The following CTC1 variants were observed in gnomAD, a reference collection of about 807,000 sequenced individuals.
CTC1 encodes the protein CST telomere replication complex component 1.
A neutral mutation model predicts 136.3 loss-of-function variants in CTC1; 91 were observed. That is an observed-to-expected ratio of 0.67 (90% confidence interval 0.56 to 0.79). The LOEUF (loss-of-function observed/expected upper bound fraction) is 0.79, where lower values mean the gene tolerates loss of function less well. Among genes scored for constraint, CTC1 ranks in the 30% least tolerant of loss-of-function variants. The pLI is 0.00. For synonymous variants in CTC1, 606 were observed against 613.8 expected (o/e 0.99, Z 0.19); for missense variants, 1,432 against 1,498.1 (o/e 0.96, Z 0.73).
intron 18 of CTC1, 90 bp downstream of exon 18, chr17:8,229,799 CTG>C (rs1412932426): frequency 2.8e-6 from 3 of 1,076,328 alleles, no homozygotes; most frequent in African/African-American, 3.1e-5. Context: ...TTGGAGAAGA[CTG>C]TAATGATGGC....
chr17:8,242,956 C>T (rs1988394686), intron 2 of CTC1, 29 bp downstream of exon 2: 2 of 1,586,066 alleles, frequency 1.3e-6, no homozygotes, highest in Non-Finnish European at 8.6e-7. Context: ...TGCCCCTGCC[C>T]AGCCCCCGCA....
chr17:8,235,528 G>A (rs1045957877), intron 7 of CTC1, among the ~76,000 whole-genome samples: 1 of 152,082 alleles, frequency 6.6e-6, no homozygotes, highest in African/African-American at 2.4e-5. Flanking sequence ...ACATGGCTGA[G>A]GCTTCTCACC....
At chr17:8,232,714 T>A in intron 11 of CTC1, 192 bp downstream of exon 11, 1 of 750,140 alleles carries the variant, frequency 1.3e-6, no homozygotes, top group South Asian at 1.7e-5. Context: ...GAGAAATGCA[T>A]GCTGGAAATT....
rs1175024155 is a variant in CTC1 at position 8,227,023 on chromosome 17, GCGT to G, written c.*1154_*1156del. 1 of 152,034 alleles carries G rather than the reference GCGT, an allele frequency of 6.6e-6. No homozygotes were observed. Among genetic ancestry groups the G allele is most frequent in the Non-Finnish European group, 1.5e-5 (1 of 68,028 alleles). 9.4% of individuals were successfully genotyped at this position (152,034 alleles called of 1,614,324 possible). ...TACGGGGTTCGAACCCGCGACCTTG[GCGT>G]TATTAGCACCACGCTCTAACCAACT... On this transcript the variant is annotated 3_prime_UTR_variant, in exon 23 of 23. Coordinates refer to ENST00000651323, the MANE Select transcript of CTC1 (RefSeq NM_025099.6).
In CTC1 at chr17:8,241,460, A is replaced by T. The variant is rs568377859; in HGVS notation, c.197+1525T>A. Reference sequence around the variant, plus strand: ...TGGTGAAACCCCATCTCTACTAAAAAATACAAAAATTAGCTGGTGTGGTGG... The same window carrying T: ...TGGTGAAACCCCATCTCTACTAAAATATACAAAAATTAGCTGGTGTGGTGG... On this transcript the variant is annotated intron_variant, in intron 2 of 22. Transcript: ENST00000651323. Among the ~76,000 whole-genome samples, 4 of 151,924 alleles carry T rather than the reference A, an allele frequency of 2.6e-5. No homozygotes were observed. The South Asian group carries it at 8.3e-4, about 32-fold the overall frequency.
At chr17:8,242,593 T>TAA (rs1452647269) in intron 2 of CTC1, among the ~76,000 whole-genome samples, 120 of 135,188 alleles carry the variant, frequency 8.9e-4, no homozygotes, top group African/African-American at 3.1e-3. Context: ...CATATATATA[T>TAA]AAACACACTC....
At chr17:8,239,564 C>T (rs1988040887) in intron 2 of CTC1, among the ~76,000 whole-genome samples, 2 of 150,504 alleles carry the variant, frequency 1.3e-5, no homozygotes, top group Non-Finnish European at 1.5e-5. Flanking sequence ...ACTCTTTTGC[C>T]CAGGCTGGAG....
chr17:8,246,690 T>G (rs1358782565), intron 1 of CTC1, among the ~76,000 whole-genome samples: 1 of 151,522 alleles, frequency 6.6e-6, no homozygotes, highest in South Asian at 2.1e-4. Flanking sequence ...ATCGAGACCA[T>G]CCTGGCTAAC....
In CTC1 at chr17:8,236,348, T is replaced by C; in HGVS notation, c.793-6A>G. 1 of 1,601,898 alleles carries C rather than the reference T, an allele frequency of 6.2e-7. No homozygotes were observed. The highest frequency in any genetic ancestry group is 8.5e-7 in the Non-Finnish European group (1 of 1,178,276). On this transcript the variant is annotated splice_polypyrimidine_tract_variant and splice_region_variant and intron_variant, in intron 5 of 22. Transcript: ENST00000651323. ...CACACCAGCTGGGCAGGGACCTGGC[T>C]TGTGCAGAGACAGGCAATGTGACAC... is the stretch of plus-strand genomic sequence containing the variant.
At chr17:8,241,114 C>G (rs1988179334) in intron 2 of CTC1, among the ~76,000 whole-genome samples, 1 of 151,900 alleles carries the variant, frequency 6.6e-6, no homozygotes, top group African/African-American at 2.4e-5. Context: ...CATGGTAAAA[C>G]CCCATCTCTG....
intron 2 of CTC1, among the ~76,000 whole-genome samples, chr17:8,242,202 G>C (rs1390178263): frequency 6.6e-6 from 1 of 151,590 alleles, no homozygotes; most frequent in East Asian, 1.9e-4. Context: ...GCTAATTTTT[G>C]TATTTTTTTT....
rs1986947659 is a variant in CTC1 at position 8,228,763 on chromosome 17, C to T, written c.3351G>A (p.Val1117=). 2.5e-6 allele frequency: 4 copies of T among 1,614,150 alleles called. No individual in the cohort carries two copies. The highest frequency in any genetic ancestry group is 1.3e-5 in the African/African-American group (1 of 75,026). Reference sequence around the variant, plus strand: ...CTCCAGGCCCTGCAAACTGCAAGACCACTCTGCCTGGCACTTGGACGAAAT... The same window carrying T: ...CTCCAGGCCCTGCAAACTGCAAGACTACTCTGCCTGGCACTTGGACGAAAT... The part of the protein sequence containing the change: ...LLDFVQVPGR[V]VLQFAGPGAQ... The change falls in exon 21 of 23, where the codon GTG becomes GTA. Residue 1117 remains valine, a synonymous_variant. Transcript: ENST00000651323.
chr17:8,238,812 C>G (rs1987973994), intron 2 of CTC1, among the ~76,000 whole-genome samples, 183 bp from the exon 3 acceptor site: 1 of 152,050 alleles, frequency 6.6e-6, no homozygotes, highest in Non-Finnish European at 1.5e-5. Context: ...AAGGATGGGG[C>G]CGGGCGAGTG....
At position 8,227,983 on chromosome 17, in the gene CTC1, G is replaced by T. The variant is rs998865383; in HGVS notation, c.*197C>A. On this transcript the variant is annotated 3_prime_UTR_variant, in exon 23 of 23. Transcript: ENST00000651323. ...TCCCAATCAGAGGACATATTAATAG[G>T]GCCATGATTTCCTGTTGCCACAATT... The T allele has an allele frequency of 8.9e-5, 51 of 570,894 alleles. No homozygotes were observed. In the African/African-American group the frequency reaches 9.3e-4, roughly 10 times the overall value. 35.4% of individuals were successfully genotyped at this position (570,894 alleles called of 1,614,324 possible).
At chr17:8,229,592 T>A in intron 18 of CTC1, 146 bp from the exon 19 acceptor site, 1 of 699,266 alleles carries the variant, frequency 1.4e-6, no homozygotes, top group Non-Finnish European at 2.4e-6. Flanking sequence ...AGCCCCATTT[T>A]AATTCCTGAT....
At chr17:8,228,392 C>G (rs1986899478) in intron 22 of CTC1, 73 bp from the exon 23 acceptor site, 9 of 1,607,990 alleles carry the variant, frequency 5.6e-6, no homozygotes, top group Non-Finnish European at 6.8e-6. Context: ...ATTCTCCTCC[C>G]TAACTCCAGA....
intron 2 of CTC1, among the ~76,000 whole-genome samples, chr17:8,240,547 G>A (rs1000619547): frequency 3.2e-4 from 48 of 150,860 alleles, no homozygotes; most frequent in African/African-American, 1.1e-3. Context: ...TGATAAAAAG[G>A]AAAAAAAACA....
In CTC1 at chr17:8,231,911, C is replaced by T. The variant is rs1567603291; in HGVS notation, c.2377G>A (p.Asp793Asn). Residue 793 changes from aspartate (D) to asparagine (N), a missense_variant, in exon 13 of 23, where the codon GAT becomes AAT. Transcript: ENST00000651323. ...CTGGAGTCCCAGTTTACCTTCTGAT[C>T]ATTGTCGTCATTTCCCTGGGGCTCG... Reference protein sequence around the residue: ...LPEPQGNDDNDQKVHLIFFGS... With the variant: ...LPEPQGNDDNNQKVHLIFFGS... The T allele has an allele frequency of 1.2e-6, 2 of 1,613,470 alleles. No individual in the cohort carries two copies. Among genetic ancestry groups the T allele is most frequent in the Non-Finnish European group, 1.7e-6 (2 of 1,179,746 alleles).
Position 8,228,126 on chromosome 17 carries a change from T to C in CTC1, c.*54A>G, listed in dbSNP as rs975627976. The C allele has an allele frequency of 6.4e-7, 1 of 1,574,716 alleles. No individual in the cohort carries two copies. Among genetic ancestry groups the C allele is most frequent in the Non-Finnish European group, 8.7e-7 (1 of 1,146,106 alleles). On this transcript the variant is annotated 3_prime_UTR_variant, in exon 23 of 23. Coordinates refer to ENST00000651323, the MANE Select transcript of CTC1 (RefSeq NM_025099.6). Reference sequence around the variant, plus strand: ...ACAAGTAGGGAGAGGAGCCAGGACCTAGGCCTTCAGGTTTTCAGCAAGGAA... The same window carrying C: ...ACAAGTAGGGAGAGGAGCCAGGACCCAGGCCTTCAGGTTTTCAGCAAGGAA...
Sources: allele counts gnomAD v4.1 joint callset (sites outside exome capture counted in the v4.1 genomes callset), GRCh38; gene constraint gnomAD v4.1.1; transcripts MANE v1.5; gene names NCBI Gene and HGNC (gene_info 2026-07-23, HGNC 2026-07-21).